Variants in LRRK1 observed in about 807,000 individuals in gnomAD.
The protein encoded by LRRK1 is leucine rich repeat kinase 1.
A neutral mutation model predicts 209.1 loss-of-function variants in LRRK1; 113 were observed. That is an observed-to-expected ratio of 0.54 (90% CI 0.46 to 0.63). The LOEUF (loss-of-function observed/expected upper bound fraction) is 0.63, where lower values mean the gene tolerates loss of function less well. Among genes scored for constraint, LRRK1 ranks in the 30% least tolerant of loss-of-function variants. The pLI, the probability that LRRK1 is intolerant of heterozygous loss-of-function variation, is 0.00. For missense variants in LRRK1, 2,284 were observed against 2,632.2 expected (o/e 0.87, Z 2.89); for synonymous variants, 1,144 against 1,099.7 (o/e 1.04, Z -0.80).
rs571769929 is a variant in LRRK1 at position 100,947,091 on chromosome 15, G to A, written c.97+22362G>A. Among the ~76,000 whole-genome samples the A allele has an allele frequency of 3.3e-5, 5 of 152,054 alleles. No homozygotes were observed. The South Asian group carries it at 1.0e-3, about 32-fold the overall frequency. ...TTCAAGCGATTCCTCTGCCTCAGCT[G>A]GGATTACAGGCCCGCACCACCATAA... is the stretch of plus-strand genomic sequence containing the variant. On this transcript the variant is annotated intron_variant, in intron 2 of 33. Transcript: ENST00000388948.
intron 2 of LRRK1, among the ~76,000 whole-genome samples, chr15:100,950,799 A>G (rs1298213845): frequency 6.6e-6 from 1 of 152,246 alleles, no homozygotes; most frequent in East Asian, 1.9e-4. Context: ...CAACAAAAAA[A>G]CAACCCAATT....
rs189062191 is a variant in LRRK1, at chr15:101,065,536, A to G, written c.5099A>G (p.Asn1700Ser). 382 of 1,614,208 alleles carry G rather than the reference A, an allele frequency of 2.4e-4. 1 individual carries two copies. The African/African-American group carries it at 3.5e-3, about 15-fold the overall frequency. Residue 1700 changes from asparagine (N) to serine (S), a missense_variant, in exon 32 of 34, where the codon AAC (asparagine) becomes AGC (serine). This residue lies in a region of LRRK1 where 643 missense variants were observed against 695.9 expected (regional missense o/e 0.92). Coordinates refer to ENST00000388948, the MANE Select transcript of LRRK1 (RefSeq NM_024652.6). ...CCAGTGAAGGCCATGGAGGTGGTCA[A>G]CAGCGGCTCTGAGGTCTGGTACAGC... ...PYPVKAMEVV[N>S]SGSEVWYSNG...
intron 33 of LRRK1, among the ~76,000 whole-genome samples, chr15:101,067,852 A>G (rs2036621384): frequency 6.6e-6 from 1 of 152,246 alleles, no homozygotes; most frequent in Non-Finnish European, 1.5e-5. Flanking sequence ...CATACCTGCC[A>G]TTAATGTCCT....
In LRRK1 at chr15:101,024,846, C is replaced by G. The variant is rs1393261925; in HGVS notation, c.2111C>G (p.Ala704Gly). Reference protein sequence around the residue: ...EFNVWDIGGPASMATVNQCFF... With the variant: ...EFNVWDIGGPGSMATVNQCFF... ...AACGTCTGGGACATCGGGGGACCGGCCAGCATGGCCACTGTCAACCAGTGC... is the reference window on the plus strand; with the variant it reads ...AACGTCTGGGACATCGGGGGACCGGGCAGCATGGCCACTGTCAACCAGTGC... Residue 704 changes from alanine (A) to glycine (G), a missense_variant, in exon 16 of 34, where the codon GCC becomes GGC. Physicochemically the swap from Ala to Gly is moderately conservative, Grantham distance 60. Around this residue, in one of 6 missense-constraint regions of LRRK1, gnomAD observed 780 missense variants for 985.2 expected, o/e 0.79. Transcript: ENST00000388948. This position sits in a 1 kb window ranked among gnomAD's most constrained non-coding sequence, Gnocchi z 4.6. The G allele has an allele frequency of 6.2e-7, 1 of 1,614,134 alleles. No individual in the cohort carries two copies. Among genetic ancestry groups the G allele is most frequent in the Non-Finnish European group, 8.5e-7 (1 of 1,179,966 alleles).
chr15:100,999,923 ATTTT>A (rs1366031817), intron 6 of LRRK1, among the ~76,000 whole-genome samples: 1 of 152,154 alleles, frequency 6.6e-6, no homozygotes, highest in Non-Finnish European at 1.5e-5. Flanking sequence ...CTTGTAAGTT[ATTTT>A]TGTACTTAGG....
Position 101,062,700 on chromosome 15 carries a change from G to C in LRRK1, c.4914+10G>C. The C allele has an allele frequency of 6.3e-7, 1 of 1,591,396 alleles. No individual in the cohort carries two copies. Among genetic ancestry groups the C allele is most frequent in the Non-Finnish European group, 8.6e-7 (1 of 1,159,210 alleles). On this transcript the variant is annotated intron_variant, in intron 31 of 33. Transcript: ENST00000388948. ...GCCTGTTATTAAAAAGGTGAGGTCG[G>C]GGCAAAGGCAGGTATGCAGGTCTCT...
intron 2 of LRRK1, among the ~76,000 whole-genome samples, chr15:100,966,612 A>G (rs2030477607): frequency 6.6e-6 from 1 of 152,246 alleles, no homozygotes; most frequent in Admixed American, 6.5e-5. Context: ...TTGGCAGATT[A>G]AATTAAATGC....
intron 2 of LRRK1, among the ~76,000 whole-genome samples, chr15:100,925,047 T>C (rs982262246): frequency 6.6e-6 from 1 of 152,096 alleles, no homozygotes; most frequent in African/African-American, 2.4e-5. Context: ...AAGGAAAAAT[T>C]GAAAAAAATA....
At chr15:100,990,096 A>G (rs1424408516) in intron 6 of LRRK1, among the ~76,000 whole-genome samples, 1 of 152,208 alleles carries the variant, frequency 6.6e-6, no homozygotes. Context: ...GCAATGCTAT[A>G]AAAACATTTA....
chr15:100,998,813 T>C (rs1321669385), intron 6 of LRRK1, among the ~76,000 whole-genome samples: 1 of 149,598 alleles, frequency 6.7e-6, no homozygotes, highest in East Asian at 1.9e-4. Context: ...CATGGATGGA[T>C]GGATGAATGG....
At chr15:100,972,211 C>G (rs2030930524) in intron 2 of LRRK1, among the ~76,000 whole-genome samples, 1 of 151,990 alleles carries the variant, frequency 6.6e-6, no homozygotes, top group Non-Finnish European at 1.5e-5. Context: ...AATCTGCCTG[C>G]CTCGGACTCC....
chr15:100,985,693 G>A (rs908593018), intron 4 of LRRK1, among the ~76,000 whole-genome samples: 1 of 152,202 alleles, frequency 6.6e-6, no homozygotes, highest in Non-Finnish European at 1.5e-5. Flanking sequence ...ACCTCGTCAT[G>A]GTTTTCAACT....
intron 2 of LRRK1, among the ~76,000 whole-genome samples, chr15:100,936,636 GCCCAGC>G (rs1285798743): frequency 5.9e-5 from 9 of 152,204 alleles, no homozygotes; most frequent in Non-Finnish European, 1.3e-4. Flanking sequence ...CCCTCTCAGA[GCCCAGC>G]CTGTCAATAG....
At chr15:101,054,632 C>A (rs2035683119) in intron 26 of LRRK1, among the ~76,000 whole-genome samples, 1 of 152,132 alleles carries the variant, frequency 6.6e-6, no homozygotes, top group Non-Finnish European at 1.5e-5. Context: ...CATGGTGAAA[C>A]CCCATGTCTA....
intron 6 of LRRK1, among the ~76,000 whole-genome samples, chr15:101,003,632 A>G (rs1351567870): frequency 6.6e-6 from 1 of 152,164 alleles, no homozygotes; most frequent in Admixed American, 6.5e-5. Flanking sequence ...ATCAGATCTC[A>G]TGAGACTTGT....
intron 30 of LRRK1, chr15:101,062,345 G>A (rs938053690): frequency 4.0e-5 from 18 of 444,878 alleles, no homozygotes; most frequent in Non-Finnish European, 6.9e-5. Flanking sequence ...TTTCTCTGGG[G>A]AATAGATGAC....
chr15:100,956,455 C>CTTTTTTTTTTTTTTTTTT (rs776326423), intron 2 of LRRK1, among the ~76,000 whole-genome samples: 5 of 60,520 alleles, frequency 8.3e-5, no homozygotes, highest in South Asian at 5.6e-4. Flanking sequence ...TTTTTTTTTT[C>CTTTTTTTTTTTTTTTTTT]TTTTTTTTTT....
At chr15:101,052,166 T>G (rs547364755) in intron 24 of LRRK1, among the ~76,000 whole-genome samples, 7 of 152,360 alleles carry the variant, frequency 4.6e-5, no homozygotes, top group South Asian at 4.1e-4. Flanking sequence ...TTTGGAGGCC[T>G]TGATAGGCCC....
At chr15:101,062,989 G>A (rs2036278317) in intron 31 of LRRK1, among the ~76,000 whole-genome samples, 2 of 152,160 alleles carry the variant, frequency 1.3e-5, no homozygotes, top group Admixed American at 6.5e-5. Flanking sequence ...GGCACGGTGA[G>A]CAGTCATGCG....
Sources: allele counts gnomAD v4.1 joint callset (sites outside exome capture counted in the v4.1 genomes callset), GRCh38; gene constraint gnomAD v4.1.1; regional missense constraint gnomAD v4.1.1; non-coding constraint Gnocchi (gnomAD v3.1); transcripts MANE v1.5; gene names NCBI Gene and HGNC (gene_info 2026-07-23, HGNC 2026-07-21).